EFR3B: variants seen among roughly 807,000 people sequenced by gnomAD.
EFR3B encodes the protein protein EFR3 homolog B.
In EFR3B, 64 loss-of-function variants were observed where a neutral mutation model predicts 104.7. The observed-to-expected ratio is 0.61, with a 90% CI of 0.50 to 0.75. The LOEUF (loss-of-function observed/expected upper bound fraction) is 0.75. Among genes scored for constraint, EFR3B ranks in the 30% least tolerant of loss-of-function variants. The probability of loss-of-function intolerance (pLI) is 0.00; values close to 1 mark genes in which losing one functional copy is unlikely to be tolerated. For missense variants in EFR3B, 750 were observed against 1,078.5 expected (o/e 0.70, Z 4.27); for synonymous variants, 385 against 417.9 (o/e 0.92, Z 0.96).
chr2:25,088,427 G>A (rs972873289), intron 1 of EFR3B, among the ~76,000 whole-genome samples: 2 of 152,088 alleles, frequency 1.3e-5, no homozygotes, highest in Admixed American at 1.3e-4. Context: ...TCAACTCTTA[G>A]GCCTTTGGAT....
chr2:25,054,601 C>T (rs1367010895), intron 1 of EFR3B, among the ~76,000 whole-genome samples: 2 of 152,184 alleles, frequency 1.3e-5, no homozygotes, highest in Non-Finnish European at 2.9e-5. Context: ...AGCTACCGCA[C>T]CTGACCCATG....
At chr2:25,052,496 CTTTTTT>C in intron 1 of EFR3B, among the ~76,000 whole-genome samples, 1 of 95,704 alleles carries the variant, frequency 1.0e-5, no homozygotes, top group South Asian at 3.4e-4. Context: ...AGGCAGAATT[CTTTTTT>C]TTTTTTTTTT....
chr2:25,046,254 G>T (rs950121936), intron 1 of EFR3B, among the ~76,000 whole-genome samples: 2 of 151,756 alleles, frequency 1.3e-5, no homozygotes, highest in African/African-American at 2.4e-5. Context: ...GCATGGTGGC[G>T]TGCACCTGTA....
chr2:25,149,612 C>T, intron 19 of EFR3B, 82 bp from the exon 20 acceptor site: 1 of 1,389,488 alleles, frequency 7.2e-7, no homozygotes, highest in South Asian at 1.2e-5. Context: ...AAGCAAGGGG[C>T]TGCCAGAGAG....
chr2:25,091,263 T>C, intron 1 of EFR3B, 62 bp from the exon 2 acceptor site: 1 of 1,510,408 alleles, frequency 6.6e-7, no homozygotes, highest in Non-Finnish European at 9.0e-7. Context: ...TGGCCCTGGC[T>C]CCAACCTTTC....
At chr2:25,061,258 C>T (rs938292738) in intron 1 of EFR3B, among the ~76,000 whole-genome samples, 2 of 151,630 alleles carry the variant, frequency 1.3e-5, no homozygotes, top group African/African-American at 4.8e-5. Context: ...GGAGTAGCTC[C>T]GTGTGCCACC....
At chr2:25,059,777 A>G (rs2149168533) in intron 1 of EFR3B, among the ~76,000 whole-genome samples, 2 of 148,404 alleles carry the variant, frequency 1.3e-5, no homozygotes, top group East Asian at 4.1e-4. Context: ...CGGGAGGCCG[A>G]GGCAGGAGAA....
At chr2:25,149,767 G>A in intron 20 of EFR3B, 25 bp downstream of exon 20, 1 of 1,550,450 alleles carries the variant, frequency 6.4e-7, no homozygotes, top group Non-Finnish European at 8.7e-7. Context: ...AGGGACTCTG[G>A]TTAGAGGGCA....
chr2:25,149,940 G>A (rs535809117), intron 20 of EFR3B, among the ~76,000 whole-genome samples, 198 bp downstream of exon 20: 3 of 152,350 alleles, frequency 2.0e-5, no homozygotes, highest in Non-Finnish European at 2.9e-5. Context: ...CCTGATGGGG[G>A]TCAGTAGTGA....
At chr2:25,099,754 A>C (rs146950201) in intron 3 of EFR3B, among the ~76,000 whole-genome samples, 61 of 152,064 alleles carry the variant, frequency 4.0e-4, no homozygotes, top group African/African-American at 1.4e-3. Context: ...GCAATATCTG[A>C]AACTGGGTAG....
At chr2:25,094,244 C>T (rs1669212772) in intron 3 of EFR3B, among the ~76,000 whole-genome samples, 1 of 124,494 alleles carries the variant, frequency 8.0e-6, no homozygotes, top group African/African-American at 3.2e-5. Context: ...GTGTTTGCAC[C>T]ACTGCACTCT....
At chr2:25,082,942 C>T (rs1308569022) in intron 1 of EFR3B, among the ~76,000 whole-genome samples, 1 of 152,132 alleles carries the variant, frequency 6.6e-6, no homozygotes, top group Admixed American at 6.5e-5. Flanking sequence ...AGTGGGAGGT[C>T]AGAGGACATG....
intron 16 of EFR3B, among the ~76,000 whole-genome samples, chr2:25,139,900 G>A (rs1670617295): frequency 6.6e-6 from 1 of 152,110 alleles, no homozygotes; most frequent in African/African-American, 2.4e-5. Context: ...GTAATTCCTT[G>A]GTGTTATCTG....
At chr2:25,062,975 G>A (rs1277932165) in intron 1 of EFR3B, among the ~76,000 whole-genome samples, 21 of 151,904 alleles carry the variant, frequency 1.4e-4, no homozygotes, top group Middle Eastern at 3.4e-3. Context: ...CCAGGCTGGC[G>A]TGTAGTGGCG....
chr2:25,094,026 C>T (rs901575549), intron 3 of EFR3B, among the ~76,000 whole-genome samples: 2 of 152,048 alleles, frequency 1.3e-5, no homozygotes, highest in African/African-American at 4.8e-5. Context: ...GTGGCTCATA[C>T]CTATAATCCC....
At chr2:25,092,311 G>A (rs1476431412) in intron 2 of EFR3B, among the ~76,000 whole-genome samples, 1 of 151,116 alleles carries the variant, frequency 6.6e-6, no homozygotes, top group Non-Finnish European at 1.5e-5. Context: ...CTTGTGATCC[G>A]CCCACCTCAG....
intron 4 of EFR3B, among the ~76,000 whole-genome samples, chr2:25,119,957 A>G (rs1460346609): frequency 6.6e-6 from 1 of 152,214 alleles, no homozygotes; most frequent in Non-Finnish European, 1.5e-5. Context: ...ACATGTTTAT[A>G]AAAATTAAAT....
rs1235020891 is a variant in EFR3B at position 25,156,282 on chromosome 2, T to G, written c.*1942T>G. 1.4e-5 allele frequency: 2 copies of G among 146,634 alleles called. No homozygotes were observed. Among genetic ancestry groups the G allele is most frequent in the Admixed American group, 1.4e-4 (2 of 14,438 alleles). The allele number at this position is 146,634 out of a possible 1,614,324, so 9.1% of individuals were successfully genotyped here. A position where few individuals can be genotyped will look rare whatever the true frequency, so the allele number is the denominator to read the frequency against. Reference sequence around the variant, plus strand: ...ATCTCTGCTGTGGGCACACAGCTTCTTTTTCTTGTTTTTTTTTTTTTTTTT... The same window carrying G: ...ATCTCTGCTGTGGGCACACAGCTTCGTTTTCTTGTTTTTTTTTTTTTTTTT... On this transcript the variant is annotated 3_prime_UTR_variant, in exon 23 of 23. Coordinates refer to ENST00000403714, the MANE Select transcript of EFR3B (RefSeq NM_014971.2).
intron 21 of EFR3B, among the ~76,000 whole-genome samples, chr2:25,152,785 A>C (rs1236538273): frequency 6.6e-6 from 1 of 150,760 alleles, no homozygotes; most frequent in East Asian, 1.9e-4. Flanking sequence ...AATATGTATA[A>C]ATATTTTATA....
Sources: allele counts gnomAD v4.1 joint callset (sites outside exome capture counted in the v4.1 genomes callset), GRCh38; gene constraint gnomAD v4.1.1; transcripts MANE v1.5; gene names NCBI Gene and HGNC (gene_info 2026-07-23, HGNC 2026-07-21).